MIGA1: variants seen among roughly 807,000 people sequenced by gnomAD.
MIGA1 encodes the protein family with sequence similarity 73, member A.
MIGA1 carries 58 observed loss-of-function variants against 82.0 expected under a neutral mutation model. That is an observed-to-expected ratio of 0.71 (90% CI 0.57 to 0.88). MIGA1 has a LOEUF of 0.88. Ranked by LOEUF, MIGA1 falls within the 40% of genes least tolerant of loss-of-function variation. MIGA1 has a pLI of 0.00. For missense variants in MIGA1, 751 were observed against 749.1 expected, an observed-to-expected ratio of 1.00 and a Z score of -0.03; for synonymous variants, 249 against 253.6, an observed-to-expected ratio of 0.98 and a Z score of 0.17.
chr1:77,832,602 A>G (rs1401760135), intron 7 of MIGA1, among the ~76,000 whole-genome samples: 3 of 152,202 alleles, frequency 2.0e-5, no homozygotes, highest in Non-Finnish European at 4.4e-5. Flanking sequence ...AGAAAAGAGC[A>G]TTCCTAGCAG....
At chr1:77,780,153 G>A (rs1172448893) in intron 1 of MIGA1, 3 of 990,210 alleles carry the variant, frequency 3.0e-6, no homozygotes, top group Non-Finnish European at 3.6e-6. Flanking sequence ...GGAGAGCTCC[G>A]CGAGGGGCTG....
chr1:77,833,945 T>G (rs1684335193), intron 7 of MIGA1, among the ~76,000 whole-genome samples: 1 of 152,244 alleles, frequency 6.6e-6, no homozygotes, highest in African/African-American at 2.4e-5. Context: ...TACTTCCCAG[T>G]TAGGAATCAC....
At chr1:77,826,845 CCCAGGCTG>C (rs1684045516) in intron 7 of MIGA1, among the ~76,000 whole-genome samples, 2 of 151,840 alleles carry the variant, frequency 1.3e-5, no homozygotes, top group African/African-American at 4.8e-5. Flanking sequence ...TGTTCTGTTG[CCCAGGCTG>C]GAGTGCAGTG....
intron 7 of MIGA1, among the ~76,000 whole-genome samples, chr1:77,836,345 C>A (rs377231754): frequency 6.6e-6 from 1 of 152,064 alleles, no homozygotes; most frequent in Non-Finnish European, 1.5e-5. Flanking sequence ...ATGGTTTTAA[C>A]GCTTTTGCTA....
chr1:77,862,623 C>CCTG (rs1294922213), intron 12 of MIGA1, among the ~76,000 whole-genome samples: 1 of 151,910 alleles, frequency 6.6e-6, no homozygotes, highest in Non-Finnish European at 1.5e-5. Flanking sequence ...GGAGCGCATG[C>CCTG]CTGTAATCCC....
intron 2 of MIGA1, among the ~76,000 whole-genome samples, chr1:77,784,990 G>A (rs1682084776): frequency 6.6e-6 from 1 of 152,002 alleles, no homozygotes; most frequent in African/African-American, 2.4e-5. Context: ...ACAACACGTG[G>A]GAATTCAAGA....
intron 7 of MIGA1, among the ~76,000 whole-genome samples, chr1:77,822,837 T>C (rs1683873196): frequency 8.1e-6 from 1 of 123,980 alleles, no homozygotes; most frequent in African/African-American, 3.1e-5. Flanking sequence ...TTCAGCATGT[T>C]TTTTTTTTTT....
rs1381937443 is a variant in MIGA1, at chr1:77,869,922, G to A, written c.1564-3082G>A. ...GCTGGCCGGGCGGGGGGCTGACCCC[G>A]CCCACCTCCCTCCCGGACGGGGCGG... On this transcript the variant is annotated intron_variant, in intron 14 of 15. Transcript: ENST00000370791. 1.2e-4 allele frequency among the ~76,000 whole-genome samples: 5 copies of A among 43,398 alleles called. No homozygotes were observed. The South Asian group carries it at 3.5e-3, about 31-fold the overall frequency. 28.5% of individuals were successfully genotyped at this position (43,398 alleles called of 152,430 possible).
intron 5 of MIGA1, chr1:77,811,015 T>A (rs1683306359): frequency 1.2e-6 from 2 of 1,612,866 alleles, no homozygotes; most frequent in African/African-American, 1.3e-5. Flanking sequence ...AGCAAAACAC[T>A]TGGTGCTGGT....
chr1:77,844,569 G>A (rs1313663098), intron 8 of MIGA1, among the ~76,000 whole-genome samples: 2 of 152,018 alleles, frequency 1.3e-5, no homozygotes, highest in Admixed American at 6.6e-5. Flanking sequence ...TTTAATTTTT[G>A]TACTTAAAAC....
chr1:77,836,862 A>G (rs1167672880), intron 7 of MIGA1, among the ~76,000 whole-genome samples: 1 of 152,186 alleles, frequency 6.6e-6, no homozygotes, highest in Non-Finnish European at 1.5e-5. Context: ...ATCAGAGATA[A>G]TGGAAAGCTT....
intron 13 of MIGA1, 50 bp downstream of exon 13, chr1:77,864,078 A>C (rs748861241): frequency 1.3e-6 from 2 of 1,584,046 alleles, no homozygotes; most frequent in African/African-American, 2.7e-5. Flanking sequence ...TTAAAAAGTG[A>C]GGCTGGGCGC....
At chr1:77,811,445 G>C in intron 5 of MIGA1, 1 of 1,550,932 alleles carries the variant, frequency 6.4e-7, no homozygotes, top group Non-Finnish European at 8.9e-7. Context: ...GGGACAGGCT[G>C]AACATCAAAT....
At chr1:77,824,871 C>T (rs762737435) in intron 7 of MIGA1, among the ~76,000 whole-genome samples, 2 of 151,700 alleles carry the variant, frequency 1.3e-5, no homozygotes, top group African/African-American at 4.8e-5. Context: ...ATGTTCCATG[C>T]TGCATTTCCT....
intron 8 of MIGA1, among the ~76,000 whole-genome samples, chr1:77,858,446 A>G (rs1470715737): frequency 6.6e-6 from 1 of 152,222 alleles, no homozygotes; most frequent in African/African-American, 2.4e-5. Context: ...ACTCTTTTTA[A>G]CAACTCTATT....
intron 7 of MIGA1, among the ~76,000 whole-genome samples, chr1:77,821,832 G>T (rs1683822916): frequency 6.6e-6 from 1 of 152,148 alleles, no homozygotes; most frequent in Non-Finnish European, 1.5e-5. Context: ...TGCTAAAATG[G>T]ATAGTGTCAG....
In MIGA1 at chr1:77,876,404, G is replaced by A. The variant is rs1646893905; in HGVS notation, c.*1340G>A. On this transcript the variant is annotated 3_prime_UTR_variant, in exon 16 of 16. Transcript: ENST00000370791. Reference sequence around the variant, plus strand: ...ATATTAACTGTAGTTTCCAAAATATGTTACTGTTGGTCCTGTAAGTTACAA... The same window carrying A: ...ATATTAACTGTAGTTTCCAAAATATATTACTGTTGGTCCTGTAAGTTACAA... 6.6e-6 allele frequency: 1 copy of A among 152,170 alleles called. No individual in the cohort carries two copies. Among genetic ancestry groups the A allele is most frequent in the African/African-American group, 2.4e-5 (1 of 41,440 alleles). 9.4% of individuals were successfully genotyped at this position (152,170 alleles called of 1,614,324 possible). A position where few individuals can be genotyped will look rare whatever the true frequency, so the allele number is the denominator to read the frequency against.
intron 5 of MIGA1, among the ~76,000 whole-genome samples, chr1:77,808,608 C>G (rs1276781093): frequency 1.3e-5 from 2 of 152,192 alleles, no homozygotes; most frequent in African/African-American, 4.8e-5. Context: ...GAAGAAGAAC[C>G]AAATGAACCT....
chr1:77,811,519 A>G (rs1279205887), intron 5 of MIGA1: 2 of 1,585,728 alleles, frequency 1.3e-6, no homozygotes, highest in African/African-American at 2.7e-5. Context: ...CAGGTCCTCC[A>G]GTTTAAATTC....
Sources: allele counts gnomAD v4.1 joint callset (sites outside exome capture counted in the v4.1 genomes callset), GRCh38; gene constraint gnomAD v4.1.1; transcripts MANE v1.5; gene names NCBI Gene and HGNC (gene_info 2026-07-23, HGNC 2026-07-21).